Variants in SYBU observed in about 807,000 individuals in gnomAD.
The protein encoded by SYBU is GOLSYN A protein.
In SYBU, 21 loss-of-function variants were observed where a neutral mutation model predicts 35.9. The observed-to-expected ratio is 0.58, with a 90% CI of 0.41 to 0.84. The LOEUF is 0.84. Among genes scored for constraint, SYBU ranks in the 40% least tolerant of loss-of-function variants. The probability of loss-of-function intolerance (pLI) is 0.00; values close to 1 mark genes in which losing one functional copy is unlikely to be tolerated. For missense variants in SYBU, 768 were observed against 848.2 expected, an observed-to-expected ratio of 0.91 and a Z score of 1.17; for synonymous variants, 319 against 324.3, an observed-to-expected ratio of 0.98 and a Z score of 0.18.
intron 3 of SYBU, among the ~76,000 whole-genome samples, chr8:109,613,158 TC>T (rs949491452): frequency 2.6e-5 from 4 of 152,190 alleles, no homozygotes; most frequent in African/African-American, 9.7e-5. Context: ...GAGCAACTAT[TC>T]CTCTCCTTTT....
At chr8:109,592,667 G>A (rs1016310801) in intron 3 of SYBU, among the ~76,000 whole-genome samples, 5 of 152,186 alleles carry the variant, frequency 3.3e-5, no homozygotes, top group African/African-American at 1.2e-4. Context: ...GAAATGATAA[G>A]CAAAGAGGGT....
At position 109,686,491 on chromosome 8, in the gene SYBU, T is replaced by A. The variant is rs74979522; in HGVS notation, c.-58+4842A>T. Among the ~76,000 whole-genome samples the A allele has an allele frequency of 4.4e-3, 672 of 152,322 alleles. 4 individuals are homozygous for A. The highest frequency in any genetic ancestry group is 0.015 in the African/African-American group (609 of 41,560). Reference sequence around the variant, plus strand: ...TTTAATGGCTCCTACTCACTTAGACTATCATTCCATACCATTTAAAGTTAA... The same window carrying A: ...TTTAATGGCTCCTACTCACTTAGACAATCATTCCATACCATTTAAAGTTAA... On this transcript the variant is annotated intron_variant, in intron 1 of 7. Coordinates refer to the SYBU transcript ENST00000422135.
chr8:109,606,785 T>C (rs1366680416), intron 3 of SYBU, among the ~76,000 whole-genome samples: 2 of 152,232 alleles, frequency 1.3e-5, no homozygotes, highest in Non-Finnish European at 2.9e-5. Flanking sequence ...TTCACTGTTC[T>C]GGGCAATTAA....
intron 1 of SYBU, among the ~76,000 whole-genome samples, chr8:109,670,238 T>A: frequency 6.6e-6 from 1 of 150,848 alleles, no homozygotes; most frequent in East Asian, 1.9e-4. Flanking sequence ...ACTTTAAAAC[T>A]TTTTTTAAAT....
intron 1 of SYBU, among the ~76,000 whole-genome samples, chr8:109,672,011 C>T (rs573110207): frequency 1.3e-5 from 2 of 152,284 alleles, no homozygotes; most frequent in South Asian, 4.1e-4. Context: ...AAGCGATTCT[C>T]CTGCCTCAGC....
In SYBU at chr8:109,633,865, C is replaced by G. The variant is rs1012022019; in HGVS notation, c.229+8863G>C. 2.0e-5 allele frequency among the ~76,000 whole-genome samples: 3 copies of G among 152,132 alleles called. No homozygotes were observed. In the East Asian group the frequency reaches 5.8e-4, roughly 29 times the overall value. ...TCTCATGCCTCAGCCTCCCAAGTAGCTGGAATTACAGGTGTGTGCCACCAC... is the reference window on the plus strand; with the variant it reads ...TCTCATGCCTCAGCCTCCCAAGTAGGTGGAATTACAGGTGTGTGCCACCAC... On this transcript the variant is annotated intron_variant, in intron 2 of 6. Coordinates refer to ENST00000276646, the MANE Select transcript of SYBU (RefSeq NM_001099754.2).
chr8:109,578,077 G>A, intron 5 of SYBU, 60 bp from the exon 6 acceptor site: 3 of 1,530,222 alleles, frequency 2.0e-6, no homozygotes, highest in South Asian at 2.5e-5. Context: ...ATAAAAAGAA[G>A]AGTAACACAG....
At chr8:109,588,136 A>G (rs191170189) in intron 3 of SYBU, among the ~76,000 whole-genome samples, 4 of 152,338 alleles carry the variant, frequency 2.6e-5, no homozygotes, top group Non-Finnish European at 5.9e-5. Context: ...GGTTTAAGAT[A>G]CTATTTTCTA....
intron 4 of SYBU, among the ~76,000 whole-genome samples, chr8:109,581,340 A>AT (rs927121003): frequency 1.8e-4 from 28 of 152,284 alleles, no homozygotes; most frequent in African/African-American, 6.5e-4. Flanking sequence ...ACACACACAC[A>AT]TGCACACACA....
intron 2 of SYBU, among the ~76,000 whole-genome samples, chr8:109,633,088 G>A (rs1485477932): frequency 1.3e-5 from 2 of 152,068 alleles, no homozygotes; most frequent in South Asian, 2.1e-4. Context: ...GATTAGCTCC[G>A]GTCTGATATA....
chr8:109,669,148 C>T (rs866659029), intron 1 of SYBU, among the ~76,000 whole-genome samples: 24 of 151,968 alleles, frequency 1.6e-4, no homozygotes, highest in African/African-American at 4.8e-4. Context: ...CGAGACCATC[C>T]TGGCTAACAC....
In SYBU at chr8:109,668,647, G is replaced by C. The variant is rs149707322; in HGVS notation, c.-129+12064C>G. Reference sequence around the variant, plus strand: ...TGAAACCTGAAAACATATTATTCATGGTATTACTAAAAATAGCAAAATAGT... The same window carrying C: ...TGAAACCTGAAAACATATTATTCATCGTATTACTAAAAATAGCAAAATAGT... On this transcript the variant is annotated intron_variant, in intron 1 of 5. Transcript: ENST00000408889. Among the ~76,000 whole-genome samples, 802 of 152,166 alleles carry C rather than the reference G, an allele frequency of 5.3e-3. 6 individuals carry two copies. Among genetic ancestry groups the C allele is most frequent in the African/African-American group, 0.017 (720 of 41,508 alleles).
At chr8:109,604,500 T>C (rs1371437266) in intron 3 of SYBU, among the ~76,000 whole-genome samples, 25 of 152,144 alleles carry the variant, frequency 1.6e-4, no homozygotes. Flanking sequence ...AGCACATTAA[T>C]AAACATTCGT....
intron 6 of SYBU, among the ~76,000 whole-genome samples, chr8:109,577,479 C>G (rs1163484011): frequency 6.6e-6 from 1 of 151,660 alleles, no homozygotes; most frequent in Non-Finnish European, 1.5e-5. Context: ...CGGATATAAA[C>G]ACGGCTTAAT....
At position 109,590,410 on chromosome 8, in the gene SYBU, G is replaced by GT. The variant is rs11315086; in HGVS notation, c.428-4249dup. ...ACATTGATAAGATACATATACAGGT[G>GT]TTTTTTTTTTTGCATTTTGAGAATA... is the stretch of plus-strand genomic sequence containing the variant. On this transcript the variant is annotated intron_variant, in intron 3 of 6. Coordinates refer to ENST00000276646, the MANE Select transcript of SYBU (RefSeq NM_001099754.2). 5.2e-3 allele frequency among the ~76,000 whole-genome samples: 774 copies of GT among 147,864 alleles called. 2 individuals are homozygous for GT. Among genetic ancestry groups the GT allele is most frequent in the African/African-American group, 6.5e-3 (265 of 40,640 alleles).
Position 109,668,167 on chromosome 8 carries a change from A to G in SYBU, c.-129+12544T>C, listed in dbSNP as rs576815798. On this transcript the variant is annotated intron_variant, in intron 1 of 5. Coordinates refer to the SYBU transcript ENST00000408889. ...AGAAGAGGCAGAGGGGGAGAGGGGG[A>G]GAGAGAGAGAGAGAGAGAGAGAGAG... Among the ~76,000 whole-genome samples, 1,028 of 115,592 alleles carry G rather than the reference A, an allele frequency of 8.9e-3. 21 individuals are homozygous for G. Among genetic ancestry groups the G allele is most frequent in the African/African-American group, 0.037 (963 of 26,342 alleles). The allele number at this position is 115,592 out of a possible 152,430, so 75.8% of individuals were successfully genotyped here. A position where few individuals can be genotyped will look rare whatever the true frequency, so the allele number is the denominator to read the frequency against.
At chr8:109,613,554 A>G (rs1167203167) in intron 3 of SYBU, among the ~76,000 whole-genome samples, 1 of 151,652 alleles carries the variant, frequency 6.6e-6, no homozygotes, top group East Asian at 1.9e-4. Context: ...CAATAACACA[A>G]AAGTACTTTT....
At position 109,675,755 on chromosome 8, in the gene SYBU, T is replaced by C. The variant is rs557394050; in HGVS notation, c.-129+4956A>G. On this transcript the variant is annotated intron_variant, in intron 1 of 5. Transcript: ENST00000408889. ...TTCCTTCTGAAATCATTCCAAACAA[T>C]AGAAAAACAGGGACTCCTCCCTAAC... Among the ~76,000 whole-genome samples the C allele has an allele frequency of 2.6e-5, 4 of 152,126 alleles. No homozygotes were observed. The South Asian group carries it at 6.2e-4, about 24-fold the overall frequency.
upstream of SYBU, chr8:109,646,753 A>G (rs1174032028): frequency 6.6e-6 from 1 of 152,186 alleles, no homozygotes; most frequent in Non-Finnish European, 1.5e-5. Flanking sequence ...AACACCCTCC[A>G]CTGAGTTAGC....
Sources: gnomAD v4.1 joint callset for allele counts (sites outside exome capture counted in the v4.1 genomes callset) on GRCh38, gnomAD v4.1.1 for gene constraint, MANE v1.5 for transcripts, NCBI Gene and HGNC (gene_info 2026-07-23, HGNC 2026-07-21) for gene names.